The following SGCD variants were observed in gnomAD, a reference collection of about 807,000 sequenced individuals.
SGCD encodes sarcoglycan delta.
A neutral mutation model predicts 36.6 loss-of-function variants in SGCD; 18 were observed. The ratio of observed to expected loss-of-function variants is 0.49; its 90% CI spans 0.34 to 0.73. SGCD has a LOEUF of 0.73. SGCD is among the 30% of genes least tolerant of loss of function. The probability of loss-of-function intolerance (pLI) is 0.01; values close to 1 mark genes in which losing one functional copy is unlikely to be tolerated. For synonymous variants in SGCD, 133 were observed against 130.6 expected (o/e 1.02, Z -0.12); for missense variants, 387 against 346.7 (o/e 1.12, Z -0.92).
chr5:156,340,174 A>C (rs1378155823), intron 2 of SGCD, among the ~76,000 whole-genome samples: 1 of 152,212 alleles, frequency 6.6e-6, no homozygotes, highest in Non-Finnish European at 1.5e-5. Context: ...ATATATGCCA[A>C]ATTCAATGTA....
At chr5:156,686,588 A>G (rs934278094) in intron 7 of SGCD, among the ~76,000 whole-genome samples, 2 of 152,206 alleles carry the variant, frequency 1.3e-5, no homozygotes, top group Non-Finnish European at 2.9e-5. Flanking sequence ...TGAACACAGA[A>G]CAGCCATAGT....
At chr5:156,485,463 G>A (rs1250976715) in intron 3 of SGCD, among the ~76,000 whole-genome samples, 1 of 152,044 alleles carries the variant, frequency 6.6e-6, no homozygotes, top group Non-Finnish European at 1.5e-5. Flanking sequence ...AGGAGTTCAA[G>A]CCCAGCCTGG....
intron 7 of SGCD, among the ~76,000 whole-genome samples, chr5:156,654,507 G>T (rs533273823): frequency 5.9e-4 from 89 of 152,096 alleles, no homozygotes; most frequent in African/African-American, 2.1e-3. Flanking sequence ...CTTTCCTTTG[G>T]GGGGGTCCAA....
At chr5:155,944,121 T>C (rs1757391096) in intron 1 of SGCD, among the ~76,000 whole-genome samples, 1 of 152,208 alleles carries the variant, frequency 6.6e-6, no homozygotes, top group South Asian at 2.1e-4. Context: ...TGGTTATTCA[T>C]TTCTCATGGG....
the SGCD span, among the ~76,000 whole-genome samples, chr5:155,753,243 A>G: frequency 6.6e-6 from 1 of 152,004 alleles, no homozygotes; most frequent in Admixed American, 6.6e-5. Context: ...AGGCTGAGGC[A>G]GGAGAATCAC....
intron 3 of SGCD, among the ~76,000 whole-genome samples, chr5:156,422,957 G>C (rs1021776148): frequency 3.3e-5 from 5 of 150,968 alleles, no homozygotes; most frequent in Non-Finnish European, 1.5e-5. Context: ...AGTGCACAGG[G>C]TGAGACCAAG....
intron 1 of SGCD, among the ~76,000 whole-genome samples, chr5:156,032,670 G>A (rs10065929): frequency 7.6e-6 from 1 of 131,766 alleles, no homozygotes; most frequent in African/African-American, 2.9e-5. Context: ...GTGAGCCACT[G>A]CACTCCAGCC....
intron 4 of SGCD, among the ~76,000 whole-genome samples, chr5:156,562,388 T>G (rs1261784109): frequency 6.6e-6 from 1 of 151,970 alleles, no homozygotes; most frequent in Non-Finnish European, 1.5e-5. Context: ...TGAGGGTATT[T>G]CCTGGAAGAC....
the SGCD span, among the ~76,000 whole-genome samples, chr5:155,763,661 G>T: frequency 1.3e-5 from 2 of 152,014 alleles, no homozygotes; most frequent in Non-Finnish European, 2.9e-5. Flanking sequence ...TCATAGAATG[G>T]GATATTATTG....
intron 1 of SGCD, among the ~76,000 whole-genome samples, chr5:155,906,360 T>A (rs1326622738): frequency 6.6e-6 from 1 of 151,728 alleles, no homozygotes; most frequent in Non-Finnish European, 1.5e-5. Context: ...TGAAAGAGAG[T>A]TGCATGTCTC....
At chr5:156,123,527 G>A (rs545829831) in intron 2 of SGCD, among the ~76,000 whole-genome samples, 6 of 152,130 alleles carry the variant, frequency 3.9e-5, no homozygotes, top group African/African-American at 1.2e-4. Flanking sequence ...CTTGACACAC[G>A]GATTGAACTG....
At chr5:156,521,262 C>G (rs185899287) in intron 4 of SGCD, among the ~76,000 whole-genome samples, 3 of 152,204 alleles carry the variant, frequency 2.0e-5, no homozygotes, top group Admixed American at 6.5e-5. Context: ...AGAAGAAAAT[C>G]TAGGTAATAC....
At chr5:156,545,799 G>A (rs1741393126) in intron 4 of SGCD, among the ~76,000 whole-genome samples, 1 of 152,158 alleles carries the variant, frequency 6.6e-6, no homozygotes, top group African/African-American at 2.4e-5. Flanking sequence ...ATGCGATTTG[G>A]AAATGGAAGT....
intron 3 of SGCD, among the ~76,000 whole-genome samples, chr5:156,454,848 T>C (rs1754182134): frequency 6.6e-6 from 1 of 152,002 alleles, no homozygotes; most frequent in African/African-American, 2.4e-5. Flanking sequence ...AAAGCAAAGG[T>C]TGTAATGTTG....
chr5:155,972,875 A>G (rs1020374429), intron 1 of SGCD, among the ~76,000 whole-genome samples: 1 of 152,148 alleles, frequency 6.6e-6, no homozygotes, highest in Non-Finnish European at 1.5e-5. Context: ...TGTCAATTAC[A>G]TCTTTATGCC....
intron 3 of SGCD, among the ~76,000 whole-genome samples, chr5:156,496,466 G>A (rs1191415875): frequency 6.6e-6 from 1 of 152,098 alleles, no homozygotes; most frequent in Non-Finnish European, 1.5e-5. Context: ...TAACTTTTAA[G>A]CCAGACTCGA....
At chr5:156,684,285 T>C (rs1167382686) in intron 7 of SGCD, among the ~76,000 whole-genome samples, 3 of 151,822 alleles carry the variant, frequency 2.0e-5, no homozygotes, top group African/African-American at 7.3e-5. Context: ...GAAGTGAGGA[T>C]GCTATGACAA....
At chr5:156,462,007 A>G (rs1754509093) in intron 3 of SGCD, among the ~76,000 whole-genome samples, 1 of 152,220 alleles carries the variant, frequency 6.6e-6, no homozygotes. Flanking sequence ...GAAGGAAGAA[A>G]TATGTGAAAA....
At chr5:156,047,057 C>G (rs967320716) in intron 1 of SGCD, among the ~76,000 whole-genome samples, 2 of 152,100 alleles carry the variant, frequency 1.3e-5, no homozygotes, top group Admixed American at 6.6e-5. Context: ...AATAGAAGGT[C>G]AAACCAGCCA....
Sources: allele counts gnomAD v4.1 joint callset (sites outside exome capture counted in the v4.1 genomes callset), GRCh38; gene constraint gnomAD v4.1.1; transcripts MANE v1.5; gene names NCBI Gene and HGNC (gene_info 2026-07-23, HGNC 2026-07-21).